The following CDCA7 variants were observed in gnomAD, a reference collection of about 807,000 sequenced individuals.
The protein encoded by CDCA7 is cell division cycle-associated protein 7.
Under a neutral mutation model 54.0 loss-of-function variants are expected in CDCA7, and 28 were observed. The ratio of observed to expected loss-of-function variants is 0.52; its 90% CI spans 0.38 to 0.71. CDCA7 has a LOEUF of 0.71. Ranked by LOEUF, CDCA7 falls within the 30% of genes least tolerant of loss-of-function variation. The pLI, the probability that CDCA7 is intolerant of heterozygous loss-of-function variation, is 0.00. For missense variants in CDCA7, 484 were observed against 586.0 expected (o/e 0.83, Z 1.80); for synonymous variants, 180 against 208.2 (o/e 0.86, Z 1.16).
At position 173,365,494 on chromosome 2, in the gene CDCA7, A is replaced by T; in HGVS notation, c.937A>T (p.Thr313Ser). The change falls in exon 7 of 10, where the codon ACC becomes TCC. Residue 313 changes from threonine to serine, a missense_variant. Transcript: ENST00000306721. ...PRSRRSRSSV[T>S]LPHIIRPVEE... Reference sequence around the variant, plus strand: ...AAGCCGTCGCTCCAGATCATCCGTGACCCTTCCGCATATAATTCGCCCAGT... The same window carrying T: ...AAGCCGTCGCTCCAGATCATCCGTGTCCCTTCCGCATATAATTCGCCCAGT... 9 of 1,614,154 alleles carry T rather than the reference A, an allele frequency of 5.6e-6. No homozygotes were observed. The highest frequency in any genetic ancestry group is 6.8e-6 in the Non-Finnish European group (8 of 1,180,016).
rs78771769 is a variant in CDCA7, at chr2:173,363,137, A to T, written c.385-89A>T. On this transcript the variant is annotated intron_variant, in intron 3 of 9. Coordinates refer to ENST00000306721, the MANE Select transcript of CDCA7 (RefSeq NM_031942.5). ...AATGTTCAGTTAAAATTCATTTCAT[A>T]CAAGTGTCTCATTGAAAAGGGACTT... is the stretch of plus-strand genomic sequence containing the variant. 4,711 of 1,231,468 alleles carry T rather than the reference A, an allele frequency of 3.8e-3. 134 individuals carry two copies. In the African/African-American group the frequency reaches 0.06, roughly 16 times the overall value. 76.3% of individuals were successfully genotyped at this position (1,231,468 alleles called of 1,614,324 possible). A position where few individuals can be genotyped will look rare whatever the true frequency, so the allele number is the denominator to read the frequency against.
At chr2:173,359,194 G>T (rs773208652) in intron 2 of CDCA7, 61 bp from the exon 3 acceptor site, 30 of 1,400,716 alleles carry the variant, frequency 2.1e-5, no homozygotes, top group Non-Finnish European at 2.9e-5. Context: ...ACGGTTTATG[G>T]AAAATTGGTT....
intron 1 of CDCA7, 155 bp from the exon 2 acceptor site, chr2:173,358,557 T>C (rs1686556854): frequency 1.3e-6 from 1 of 745,412 alleles, no homozygotes; most frequent in Non-Finnish European, 2.0e-6. Flanking sequence ...AAAAAATTTT[T>C]TGTAGCAGTT....
In CDCA7 at chr2:173,354,924, C is replaced by A; in HGVS notation, c.-40C>A. 2 of 1,479,288 alleles carry A rather than the reference C, an allele frequency of 1.4e-6. No homozygotes were observed. Among genetic ancestry groups the A allele is most frequent in the East Asian group, 3.0e-5 (1 of 33,570 alleles). 91.6% of individuals were successfully genotyped at this position (1,479,288 alleles called of 1,614,324 possible). On this transcript the variant is annotated 5_prime_UTR_variant, in exon 1 of 10. Coordinates refer to ENST00000306721, the MANE Select transcript of CDCA7 (RefSeq NM_031942.5). ...CCGCTGACCGCGCGGCTGCTCCGCTCTCCCCGCTCCAAGCGCCGATCTGGG... is the reference window on the plus strand; with the variant it reads ...CCGCTGACCGCGCGGCTGCTCCGCTATCCCCGCTCCAAGCGCCGATCTGGG...
Position 173,363,280 on chromosome 2 carries a change from G to T in CDCA7, c.439G>T (p.Gly147Ter). Residue 147 changes from glycine (G) to a stop codon, truncating the protein, a stop_gained, in exon 4 of 10, where the codon GGA (glycine) becomes TGA (stop). Transcript: ENST00000306721. LOFTEE classifies it high-confidence loss of function. ...CRTRSQCRHS[G>*]PLRVAMKFPA... Reference sequence around the variant, plus strand: ...GACCCGCAGCCAGTGCAGGCACTCTGGACCTCTCAGGGTGGCGATGAAGTT... The same window carrying T: ...GACCCGCAGCCAGTGCAGGCACTCTTGACCTCTCAGGGTGGCGATGAAGTT... 6.2e-7 allele frequency: 1 copy of T among 1,614,148 alleles called. No individual in the cohort carries two copies. Among genetic ancestry groups the T allele is most frequent in the Non-Finnish European group, 8.5e-7 (1 of 1,180,034 alleles).
chr2:173,356,537 A>G (rs938101558), intron 1 of CDCA7, among the ~76,000 whole-genome samples: 4 of 152,206 alleles, frequency 2.6e-5, no homozygotes, highest in Admixed American at 2.6e-4. Flanking sequence ...TTCAGCTCCC[A>G]ACATTCATTG....
chr2:173,366,450 G>A lies in CDCA7; in HGVS notation c.1185+18G>A, dbSNP rs765760666. ...TGGATCCGGTAGGTGCCTGCCAGGG[G>A]TTGGTCCTGTGGGCTTGAAGGTCAG... On this transcript the variant is annotated intron_variant, in intron 8 of 9. Coordinates refer to ENST00000306721, the MANE Select transcript of CDCA7 (RefSeq NM_031942.5). The surrounding 1 kb of genome is among the most constrained non-coding windows in gnomAD (Gnocchi z 4.5). 1 of 1,612,926 alleles carries A rather than the reference G, an allele frequency of 6.2e-7. No individual in the cohort carries two copies. The highest frequency in any genetic ancestry group is 2.2e-5 in the East Asian group (1 of 44,812).
At chr2:173,359,517 C>G in intron 3 of CDCA7, 26 bp downstream of exon 3, 1 of 1,587,186 alleles carries the variant, frequency 6.3e-7, no homozygotes, top group Non-Finnish European at 8.6e-7. Context: ...TCACCAGTTT[C>G]AAGAAGTAAG....
chr2:173,358,679 C>T, intron 1 of CDCA7, 33 bp from the exon 2 acceptor site: 2 of 1,598,134 alleles, frequency 1.3e-6, no homozygotes, highest in Non-Finnish European at 8.5e-7. Context: ...AAGTAAGCAT[C>T]ACGCTTAATA....
At chr2:173,365,991 A>AT (rs1686712502) in intron 7 of CDCA7, among the ~76,000 whole-genome samples, 2 of 152,110 alleles carry the variant, frequency 1.3e-5, no homozygotes, top group South Asian at 4.1e-4. Flanking sequence ...CACCAGGCTA[A>AT]TTTTTATATT....
At chr2:173,359,228 A>G (rs1213723188) in intron 2 of CDCA7, 27 bp from the exon 3 acceptor site, 1 of 1,572,744 alleles carries the variant, frequency 6.4e-7, no homozygotes, top group Admixed American at 1.7e-5. Flanking sequence ...AAAAATGCAC[A>G]ACCGCATTTA....
In CDCA7 at chr2:173,366,398, A is replaced by G; in HGVS notation, c.1151A>G (p.Tyr384Cys). The G allele has an allele frequency of 6.2e-7, 1 of 1,614,128 alleles. No homozygotes were observed. Among genetic ancestry groups the G allele is most frequent in the Non-Finnish European group, 8.5e-7 (1 of 1,180,020 alleles). ...TGTGGCCCCTGCCTTCGAAACCGTTATGGTGAAGAGGTCAGGGATGCTCTG... is the reference window on the plus strand; with the variant it reads ...TGTGGCCCCTGCCTTCGAAACCGTTGTGGTGAAGAGGTCAGGGATGCTCTG... ...QFCGPCLRNR[Y>C]GEEVRDALLD... Residue 384 changes from tyrosine to cysteine, a missense_variant, in exon 8 of 10, where the codon TAT (tyrosine) becomes TGT (cysteine). Physicochemically the swap from Tyr to Cys is radical, Grantham distance 194. Coordinates refer to ENST00000306721, the MANE Select transcript of CDCA7 (RefSeq NM_031942.5). This position sits in a 1 kb window ranked among gnomAD's most constrained non-coding sequence, Gnocchi z 4.5.
At chr2:173,358,069 G>A (rs902383131) in intron 1 of CDCA7, among the ~76,000 whole-genome samples, 5 of 151,998 alleles carry the variant, frequency 3.3e-5, no homozygotes, top group African/African-American at 7.2e-5. Context: ...GCGTGGTGGC[G>A]GGCGCCTGTA....
chr2:173,366,263 TC>T lies in CDCA7; in HGVS notation c.1036-19del. 1 of 1,582,392 alleles carries T rather than the reference TC, an allele frequency of 6.3e-7. No homozygotes were observed. Among genetic ancestry groups the T allele is most frequent in the Admixed American group, 1.9e-5 (1 of 52,108 alleles). On this transcript the variant is annotated intron_variant, in intron 7 of 9. Coordinates refer to ENST00000306721, the MANE Select transcript of CDCA7 (RefSeq NM_031942.5). The surrounding 1 kb of genome is among the most constrained non-coding windows in gnomAD (Gnocchi z 4.5). ...AAACAGTGGTTTTTTTTGTTTTTTT[TC>T]TTAATGGCTTATTTGTAGGGCTCTA...
intron 3 of CDCA7, among the ~76,000 whole-genome samples, chr2:173,362,568 A>G (rs1042149152): frequency 2.6e-5 from 3 of 117,484 alleles, no homozygotes; most frequent in Admixed American, 2.1e-4. Flanking sequence ...AGGGGAACAC[A>G]TTTTTTTCCC....
chr2:173,367,945 T>A lies in CDCA7; in HGVS notation c.*281T>A, dbSNP rs1686754494. 1 of 483,660 alleles carries A rather than the reference T, an allele frequency of 2.1e-6. No individual in the cohort carries two copies. The highest frequency in any genetic ancestry group is 1.9e-5 in the African/African-American group (1 of 51,630). The allele number at this position is 483,660 out of a possible 1,614,324, so 30.0% of individuals were successfully genotyped here. ...CCTCTCCAACCGCTTAGTTTCTGAA[T>A]TTCTTTTAAATTACAGTTTTATGAA... On this transcript the variant is annotated 3_prime_UTR_variant, in exon 10 of 10. Coordinates refer to ENST00000306721, the MANE Select transcript of CDCA7 (RefSeq NM_031942.5).
intron 4 of CDCA7, 120 bp from the exon 5 acceptor site, chr2:173,363,698 G>T: frequency 9.3e-7 from 1 of 1,077,464 alleles, no homozygotes; most frequent in Non-Finnish European, 1.4e-6. Flanking sequence ...CTCTGAATGT[G>T]TCAGCTTACT....
Position 173,358,808 on chromosome 2 carries a change from A to C in CDCA7, c.118A>C (p.Ser40Arg). 1 of 1,613,744 alleles carries C rather than the reference A, an allele frequency of 6.2e-7. No homozygotes were observed. Among genetic ancestry groups the C allele is most frequent in the Non-Finnish European group, 8.5e-7 (1 of 1,179,812 alleles). ...GTCATCCTCTGATGACAGTTGTGAC[A>C]GCTTTGCTTCTGATAATTTTGCAAA... The part of the protein sequence containing the change: ...TSSSSDDSCD[S>R]FASDNFANTK... The change falls in exon 2 of 10, where the codon AGC (serine) becomes CGC (arginine). Residue 40 changes from serine (S) to arginine (R), a missense_variant. By Grantham distance (110) the Ser-to-Arg change is moderately radical. Transcript: ENST00000306721.
In CDCA7 at chr2:173,362,723, C is replaced by T. The variant is rs543521956; in HGVS notation, c.385-503C>T. The stretch of plus-strand genomic sequence containing the variant: ...CCAAGTAGCTGGGACCACAGGCATG[C>T]GCCACCATGCCCAGCTAATTTTTGT... On this transcript the variant is annotated intron_variant, in intron 3 of 9. Transcript: ENST00000306721. 6.6e-4 allele frequency among the ~76,000 whole-genome samples: 98 copies of T among 147,962 alleles called. No individual in the cohort carries two copies. In the East Asian group the frequency reaches 0.019, roughly 28 times the overall value.
Sources: gnomAD v4.1 joint callset for allele counts (sites outside exome capture counted in the v4.1 genomes callset) on GRCh38, gnomAD v4.1.1 for gene constraint, Gnocchi (gnomAD v3.1) non-coding constraint, MANE v1.5 for transcripts, NCBI Gene and HGNC (gene_info 2026-07-23, HGNC 2026-07-21) for gene names.